Variants in MBNL2 observed in about 807,000 individuals in gnomAD.
The protein encoded by MBNL2 is muscleblind like splicing regulator 2.
Under a neutral mutation model 41.9 loss-of-function variants are expected in MBNL2, and 17 were observed. The observed-to-expected ratio is 0.41, with a 90% confidence interval of 0.28 to 0.61. The LOEUF is 0.61. Ranked by LOEUF, MBNL2 falls within the 20% of genes least tolerant of loss-of-function variation. The probability of loss-of-function intolerance (pLI) is 0.35; values close to 1 mark genes in which losing one functional copy is unlikely to be tolerated. For missense variants in MBNL2, 336 were observed against 505.6 expected (o/e 0.66, Z 3.22); for synonymous variants, 195 against 182.9 (o/e 1.07, Z -0.53).
At chr13:97,243,470 C>T (rs1028645877) in intron 1 of MBNL2, among the ~76,000 whole-genome samples, 2 of 152,030 alleles carry the variant, frequency 1.3e-5, no homozygotes, top group African/African-American at 4.8e-5. Flanking sequence ...GAGGACAGGA[C>T]TGGCTGGCTG....
At chr13:97,353,812 A>AACAAG (rs553092283) in intron 5 of MBNL2, among the ~76,000 whole-genome samples, 86 of 152,284 alleles carry the variant, frequency 5.6e-4, no homozygotes, top group African/African-American at 2.0e-3. Flanking sequence ...TGCAAAAGGA[A>AACAAG]ACAAGACAAG....
chr13:97,283,877 G>C (rs2152951408), intron 2 of MBNL2, among the ~76,000 whole-genome samples: 1 of 152,310 alleles, frequency 6.6e-6, no homozygotes, highest in South Asian at 2.1e-4. Flanking sequence ...AGTGGAATCA[G>C]TTTCAGTGCC....
chr13:97,372,441 A>G (rs1487103075), intron 8 of MBNL2, among the ~76,000 whole-genome samples: 2 of 152,156 alleles, frequency 1.3e-5, no homozygotes, highest in Non-Finnish European at 2.9e-5. Context: ...CTCTCCTCCA[A>G]AGATTAAGTA....
intron 2 of MBNL2, among the ~76,000 whole-genome samples, chr13:97,316,127 C>T (rs1468923802): frequency 2.6e-5 from 4 of 152,178 alleles, no homozygotes; most frequent in East Asian, 1.9e-4. Context: ...TTGCTTGAGC[C>T]GTGCTTTCTG....
chr13:97,327,604 A>G (rs1170625287), intron 2 of MBNL2, among the ~76,000 whole-genome samples: 1 of 145,658 alleles, frequency 6.9e-6, no homozygotes, highest in African/African-American at 2.6e-5. Context: ...CCATTTTGGA[A>G]TGAAGCCACA....
upstream of MBNL2, among the ~76,000 whole-genome samples, chr13:97,221,767 G>A (rs954767152): frequency 6.6e-6 from 1 of 152,194 alleles, no homozygotes; most frequent in Non-Finnish European, 1.5e-5. Flanking sequence ...AATAACAGAT[G>A]TTATACAGGA....
At chr13:97,175,735 T>C in the MBNL2 span, among the ~76,000 whole-genome samples, 1 of 152,170 alleles carries the variant, frequency 6.6e-6, no homozygotes, top group African/African-American at 2.4e-5. Context: ...GGGCAATAAG[T>C]GTGAGAGCCA....
chr13:97,266,225 G>A (rs1168860801), intron 1 of MBNL2, among the ~76,000 whole-genome samples: 2 of 152,086 alleles, frequency 1.3e-5, no homozygotes, highest in African/African-American at 2.4e-5. Flanking sequence ...CTAGGCAACA[G>A]AGCAAGACTT....
At chr13:97,179,104 A>T in the MBNL2 span, among the ~76,000 whole-genome samples, 5 of 152,176 alleles carry the variant, frequency 3.3e-5, no homozygotes. Context: ...ACATATCAAC[A>T]TGGATCAGTC....
chr13:97,367,108 C>T (rs1163568186), intron 8 of MBNL2, among the ~76,000 whole-genome samples: 1 of 152,204 alleles, frequency 6.6e-6, no homozygotes, highest in Non-Finnish European at 1.5e-5. Context: ...AAGAGCCAAA[C>T]CATCCGGAAT....
intron 8 of MBNL2, among the ~76,000 whole-genome samples, chr13:97,374,063 A>ATTT (rs61185219): frequency 0.022 from 1,383 of 63,070 alleles, 153 homozygotes; most frequent in Non-Finnish European, 0.033. Context: ...CCTCCTTTGC[A>ATTT]TTTTTTTTTT....
chr13:97,369,790 G>C lies in MBNL2; in HGVS notation c.1048+4619G>C, dbSNP rs534362377. Among the ~76,000 whole-genome samples, 3 of 152,262 alleles carry C rather than the reference G, an allele frequency of 2.0e-5. No individual in the cohort carries two copies. The East Asian group carries it at 5.8e-4, about 29-fold the overall frequency. On this transcript the variant is annotated intron_variant, in intron 8 of 8. Coordinates refer to ENST00000679496, the MANE Select transcript of MBNL2 (RefSeq NM_001382683.1). ...CACTGAATTTAGACTGGTGGTTTGA[G>C]ATTAAATAAAGACAGAATCCAAATA...
At chr13:97,389,746 T>C (rs2066250441) in intron 8 of MBNL2, among the ~76,000 whole-genome samples, 1 of 151,524 alleles carries the variant, frequency 6.6e-6, no homozygotes, top group Admixed American at 6.6e-5. Context: ...GAAACTGCAA[T>C]TTTTTTTCCA....
chr13:97,364,372 C>T (rs1594270707), intron 7 of MBNL2, among the ~76,000 whole-genome samples: 1 of 152,266 alleles, frequency 6.6e-6, no homozygotes, highest in East Asian at 1.9e-4. Context: ...CACTATTTTG[C>T]TCTACAGTGT....
chr13:97,357,165 A>C (rs1159196066), intron 6 of MBNL2, among the ~76,000 whole-genome samples: 2 of 152,232 alleles, frequency 1.3e-5, no homozygotes. Flanking sequence ...ATTAATAATA[A>C]CACCAATGCT....
chr13:97,360,545 C>A (rs1302049706), intron 7 of MBNL2, among the ~76,000 whole-genome samples: 2 of 152,168 alleles, frequency 1.3e-5, no homozygotes, highest in African/African-American at 4.8e-5. Flanking sequence ...ATTTCTCTGA[C>A]AGGTTTATTC....
At position 97,316,593 on chromosome 13, in the gene MBNL2, G is replaced by A. The variant is rs550139563; in HGVS notation, c.175-17683G>A. On this transcript the variant is annotated intron_variant, in intron 2 of 8. Transcript: ENST00000679496. ...TGACCCTCAGATGCACCAGGCATGC[G>A]TCCTCCCGAGCCCTTAGTGCTGGCT... Among the ~76,000 whole-genome samples, 23 of 152,252 alleles carry A rather than the reference G, an allele frequency of 1.5e-4. No homozygotes were observed. In the South Asian group the frequency reaches 2.7e-3, roughly 18 times the overall value.
the MBNL2 span, among the ~76,000 whole-genome samples, chr13:97,198,227 C>T: frequency 2.6e-5 from 4 of 152,072 alleles, no homozygotes; most frequent in Non-Finnish European, 5.9e-5. Flanking sequence ...GCAAAAGTCT[C>T]ATCCTCCCCA....
chr13:97,315,404 C>G (rs1261388778), intron 2 of MBNL2, among the ~76,000 whole-genome samples: 1 of 152,178 alleles, frequency 6.6e-6, no homozygotes, highest in Non-Finnish European at 1.5e-5. Flanking sequence ...CTGGCTATTC[C>G]CAATGGCAGG....
Sources: gnomAD v4.1 joint callset for allele counts (sites outside exome capture counted in the v4.1 genomes callset) on GRCh38, gnomAD v4.1.1 for gene constraint, MANE v1.5 for transcripts, NCBI Gene and HGNC (gene_info 2026-07-23, HGNC 2026-07-21) for gene names.